WWOX: variants seen among roughly 807,000 people sequenced by gnomAD.
The protein encoded by WWOX is WW domain containing oxidoreductase.
Under a neutral mutation model 46.2 loss-of-function variants are expected in WWOX, and 69 were observed. The observed-to-expected ratio is 1.49, with a 90% CI of 1.23 to 1.82. The LOEUF is 1.82. Among genes scored for constraint, WWOX ranks in the 40% most tolerant of loss-of-function variants. WWOX has a pLI of 0.00. For missense variants in WWOX, 919 were observed against 542.6 expected (o/e 1.69, Z -6.89); for synonymous variants, 359 against 202.6 (o/e 1.77, Z -6.56).
intron 8 of WWOX, among the ~76,000 whole-genome samples, chr16:78,841,796 T>G (rs4888858): frequency 0.65 from 99,438 of 152,046 alleles, 32,819 homozygotes; most frequent in South Asian, 0.77. Flanking sequence ...ATTTATGACA[T>G]ATTACTTTTG....
At chr16:78,206,190 A>G (rs2036390428) in intron 5 of WWOX, among the ~76,000 whole-genome samples, 1 of 152,162 alleles carries the variant, frequency 6.6e-6, no homozygotes. Context: ...ATAGTATGAT[A>G]TAATAACAGC....
chr16:78,124,509 C>G (rs1364683652), intron 4 of WWOX, among the ~76,000 whole-genome samples: 2 of 152,206 alleles, frequency 1.3e-5, no homozygotes, highest in Admixed American at 6.5e-5. Context: ...CACTAGGAGG[C>G]CTTCTTGGAA....
chr16:79,068,858 AT>A (rs1567528093), intron 8 of WWOX, among the ~76,000 whole-genome samples: 2 of 148,832 alleles, frequency 1.3e-5, no homozygotes, highest in Non-Finnish European at 3.0e-5. Context: ...AATAATAATA[AT>A]AATAAAGAAA....
At chr16:78,470,575 G>C (rs1158900396) in intron 8 of WWOX, among the ~76,000 whole-genome samples, 1 of 152,114 alleles carries the variant, frequency 6.6e-6, no homozygotes, top group African/African-American at 2.4e-5. Context: ...TGTCGCCCAG[G>C]CTGGAGTGCA....
In WWOX at chr16:78,583,110, T is replaced by C. The variant is rs910807479; in HGVS notation, c.1056+150358T>C. 2.6e-5 allele frequency among the ~76,000 whole-genome samples: 4 copies of C among 152,200 alleles called. No individual in the cohort carries two copies. In the East Asian group the frequency reaches 7.7e-4, roughly 29 times the overall value. ...GAAGATGGGAGTTAGGAGAAGTGAA[T>C]CTTTTGTTTTCGAAGCCTTTGTCCT... On this transcript the variant is annotated intron_variant, in intron 8 of 8. Transcript: ENST00000566780.
At chr16:78,737,869 C>A (rs1284784280) in intron 8 of WWOX, among the ~76,000 whole-genome samples, 7 of 152,114 alleles carry the variant, frequency 4.6e-5, no homozygotes, top group Admixed American at 1.3e-4. Flanking sequence ...ACTTTATTCC[C>A]TCACCGATCC....
chr16:78,954,696 C>G (rs929716409), intron 8 of WWOX, among the ~76,000 whole-genome samples: 8 of 152,056 alleles, frequency 5.3e-5, no homozygotes, highest in Admixed American at 2.0e-4. Flanking sequence ...TAATGGGAGT[C>G]TAGGGTGAGG....
At chr16:78,751,336 G>A (rs2049470647) in intron 8 of WWOX, among the ~76,000 whole-genome samples, 1 of 149,966 alleles carries the variant, frequency 6.7e-6, no homozygotes, top group Admixed American at 6.7e-5. Flanking sequence ...AAAGCAAAGA[G>A]TTTTCAACCA....
rs570937965 is a variant in WWOX at position 78,925,770 on chromosome 16, G to A, written c.1057-285838G>A. Among the ~76,000 whole-genome samples, 6 of 152,304 alleles carry A rather than the reference G, an allele frequency of 3.9e-5. No homozygotes were observed. The South Asian group carries it at 1.2e-3, about 32-fold the overall frequency. On this transcript the variant is annotated intron_variant, in intron 8 of 8. Transcript: ENST00000566780. Reference sequence around the variant, plus strand: ...AAGGGTGAAGATGCTGTTTGTTCTTGCAGGGTGAGGCTTTGGCCAATAAGA... The same window carrying A: ...AAGGGTGAAGATGCTGTTTGTTCTTACAGGGTGAGGCTTTGGCCAATAAGA...
intron 8 of WWOX, among the ~76,000 whole-genome samples, chr16:78,711,485 A>T (rs1462608356): frequency 6.6e-6 from 1 of 152,218 alleles, no homozygotes; most frequent in Admixed American, 6.5e-5. Flanking sequence ...AACTAAGAAG[A>T]CTATCAATTT....
At chr16:78,711,689 G>A (rs2048447591) in intron 8 of WWOX, among the ~76,000 whole-genome samples, 1 of 152,090 alleles carries the variant, frequency 6.6e-6, no homozygotes, top group African/African-American at 2.4e-5. Context: ...CTTCCATAAG[G>A]GGACGCAGCA....
intron 5 of WWOX, among the ~76,000 whole-genome samples, chr16:78,321,314 G>GCGTATATATATA (rs1425423305): frequency 2.0e-5 from 1 of 50,166 alleles, no homozygotes; most frequent in Non-Finnish European, 3.8e-5. Context: ...GTATATATAT[G>GCGTATATATATA]CGTATATATA....
At chr16:78,410,913 A>T (rs2082666073) in intron 6 of WWOX, among the ~76,000 whole-genome samples, 1 of 151,990 alleles carries the variant, frequency 6.6e-6, no homozygotes, top group African/African-American at 2.4e-5. Context: ...TCACTTCCTC[A>T]TGAGCATTAA....
At position 78,952,231 on chromosome 16, in the gene WWOX, C is replaced by G. The variant is rs988088732; in HGVS notation, c.1057-259377C>G. On this transcript the variant is annotated intron_variant, in intron 8 of 8. Coordinates refer to ENST00000566780, the MANE Select transcript of WWOX (RefSeq NM_016373.4). ...GTTTCTCCCTTACTTTGCCTCTACT[C>G]AGTCTTTATATTTCAACTCAGTGGT... Among the ~76,000 whole-genome samples the G allele has an allele frequency of 7.9e-5, 12 of 152,224 alleles. No homozygotes were observed. The South Asian group carries it at 1.9e-3, about 24-fold the overall frequency.
At chr16:78,828,120 T>C (rs1449013575) in intron 8 of WWOX, among the ~76,000 whole-genome samples, 1 of 152,088 alleles carries the variant, frequency 6.6e-6, no homozygotes, top group Admixed American at 6.5e-5. Flanking sequence ...CTGCCAACAT[T>C]ACAGGAGGCA....
intron 5 of WWOX, among the ~76,000 whole-genome samples, chr16:78,208,308 G>C (rs796481011): frequency 6.6e-5 from 10 of 151,076 alleles, no homozygotes; most frequent in African/African-American, 2.4e-4. Flanking sequence ...GTAATTCTTT[G>C]CCATTCTGTC....
intron 8 of WWOX, among the ~76,000 whole-genome samples, chr16:78,884,691 T>A (rs757295976): frequency 1.1e-4 from 16 of 152,334 alleles, no homozygotes; most frequent in Non-Finnish European, 1.6e-4. Flanking sequence ...GAGCATGAAG[T>A]GTCCTCCGTC....
intron 8 of WWOX, among the ~76,000 whole-genome samples, chr16:78,796,113 A>C (rs370648338): frequency 1.3e-5 from 2 of 152,236 alleles, no homozygotes; most frequent in East Asian, 1.9e-4. Context: ...CCTAGCTATC[A>C]CATTTAGAAA....
intron 8 of WWOX, among the ~76,000 whole-genome samples, chr16:78,996,589 T>G (rs1374859750): frequency 6.6e-6 from 1 of 152,014 alleles, no homozygotes; most frequent in East Asian, 1.9e-4. Flanking sequence ...GAGATGGTGG[T>G]CAGTTTACAA....
Sources: allele counts gnomAD v4.1 joint callset (sites outside exome capture counted in the v4.1 genomes callset), GRCh38; gene constraint gnomAD v4.1.1; transcripts MANE v1.5; gene names NCBI Gene and HGNC (gene_info 2026-07-23, HGNC 2026-07-21).